The following HS3ST4 variants were observed in gnomAD, a reference collection of about 807,000 sequenced individuals.
The protein encoded by HS3ST4 is heparan sulfate-glucosamine 3-sulfotransferase 4.
Under a neutral mutation model 29.2 loss-of-function variants are expected in HS3ST4, and 17 were observed. That is an observed-to-expected ratio of 0.58 (90% CI 0.40 to 0.87). The LOEUF (loss-of-function observed/expected upper bound fraction) is 0.87, where lower values mean the gene tolerates loss of function less well. Ranked by LOEUF, HS3ST4 falls within the 40% of genes least tolerant of loss-of-function variation. The pLI is 0.00. For synonymous variants in HS3ST4, 314 were observed against 285.7 expected, an observed-to-expected ratio of 1.10 and a Z score of -1.00; for missense variants, 627 against 634.5, an observed-to-expected ratio of 0.99 and a Z score of 0.13.
intron 1 of HS3ST4, among the ~76,000 whole-genome samples, chr16:26,084,327 G>A (rs1474791702): frequency 5.9e-5 from 9 of 152,192 alleles, no homozygotes; most frequent in Admixed American, 5.9e-4. Flanking sequence ...CATCTATGGA[G>A]ACTTTAGGGG....
chr16:26,060,233 A>G (rs1898459265), intron 1 of HS3ST4, among the ~76,000 whole-genome samples: 1 of 152,238 alleles, frequency 6.6e-6, no homozygotes, highest in Non-Finnish European at 1.5e-5. Context: ...GAGAGGACTC[A>G]GGAGACCCAT....
At chr16:26,046,062 C>T (rs1306272503) in intron 1 of HS3ST4, among the ~76,000 whole-genome samples, 1 of 151,972 alleles carries the variant, frequency 6.6e-6, no homozygotes, top group East Asian at 1.9e-4. Context: ...GCATATTCTA[C>T]CTGTGTTTTA....
intron 1 of HS3ST4, among the ~76,000 whole-genome samples, chr16:26,020,258 C>A (rs73525689): frequency 0.039 from 6,013 of 152,230 alleles, 394 homozygotes; most frequent in African/African-American, 0.13. Flanking sequence ...TGATCTTGGC[C>A]TCAGTGGAAG....
intron 1 of HS3ST4, among the ~76,000 whole-genome samples, chr16:25,784,727 A>G (rs541216402): frequency 2.0e-5 from 3 of 152,352 alleles, no homozygotes; most frequent in African/African-American, 7.2e-5. Context: ...TCCATAACAT[A>G]AAAATGCGAG....
At chr16:25,718,140 C>G (rs11866032) in intron 1 of HS3ST4, among the ~76,000 whole-genome samples, 113,660 of 151,394 alleles carry the variant, frequency 0.75, 43,535 homozygotes, top group East Asian at 0.87. Flanking sequence ...GGGGGTAGAA[C>G]ACCTGTGCTC....
chr16:25,972,111 A>G (rs1246118473), intron 1 of HS3ST4, among the ~76,000 whole-genome samples: 1 of 152,202 alleles, frequency 6.6e-6, no homozygotes, highest in African/African-American at 2.4e-5. Context: ...TTGTTGCTCT[A>G]TAACAGGTGG....
intron 1 of HS3ST4, among the ~76,000 whole-genome samples, chr16:26,002,449 A>G (rs1969219904): frequency 6.6e-6 from 1 of 152,120 alleles, no homozygotes; most frequent in Admixed American, 6.6e-5. Flanking sequence ...TTTGTTTCTT[A>G]TAGAGGAAAT....
chr16:26,105,711 G>A (rs1261641058), intron 1 of HS3ST4, among the ~76,000 whole-genome samples: 2 of 152,222 alleles, frequency 1.3e-5, no homozygotes, highest in Admixed American at 1.3e-4. Context: ...AAAGCCAGAC[G>A]GGCTTTCGCC....
chr16:26,053,518 A>T (rs556660761), intron 1 of HS3ST4, among the ~76,000 whole-genome samples: 10 of 152,280 alleles, frequency 6.6e-5, no homozygotes, highest in African/African-American at 2.2e-4. Flanking sequence ...AATGAAGGGG[A>T]CTGTTCTTTC....
chr16:25,794,683 T>A (rs1966877977), intron 1 of HS3ST4, among the ~76,000 whole-genome samples: 1 of 152,100 alleles, frequency 6.6e-6, no homozygotes. Context: ...TCTGTTTGTT[T>A]CATTTTCAGC....
rs1359923154 is a variant in HS3ST4, at chr16:26,070,852, A to G, written c.735-64760A>G. Among the ~76,000 whole-genome samples, 3 of 152,296 alleles carry G rather than the reference A, an allele frequency of 2.0e-5. No individual in the cohort carries two copies. The South Asian group carries it at 6.2e-4, about 32-fold the overall frequency. ...CCTGGGACCATTTTTTAAAAAAGGC[A>G]TTCCATTGACATTGTTTTTGAGGAG... On this transcript the variant is annotated intron_variant, in intron 1 of 1. Coordinates refer to ENST00000331351, the MANE Select transcript of HS3ST4 (RefSeq NM_006040.3).
intron 1 of HS3ST4, among the ~76,000 whole-genome samples, chr16:25,726,659 A>G (rs2141591894): frequency 6.6e-6 from 1 of 152,320 alleles, no homozygotes; most frequent in Middle Eastern, 3.4e-3. Context: ...CTCACATATG[A>G]AAACCATATT....
At chr16:25,760,974 C>T (rs547815018) in intron 1 of HS3ST4, among the ~76,000 whole-genome samples, 2 of 152,218 alleles carry the variant, frequency 1.3e-5, no homozygotes, top group South Asian at 4.2e-4. Flanking sequence ...GACTCAGGGC[C>T]AGGGTGTGTA....
intron 1 of HS3ST4, among the ~76,000 whole-genome samples, chr16:25,959,909 T>C (rs886814423): frequency 3.9e-5 from 6 of 152,036 alleles, no homozygotes; most frequent in Non-Finnish European, 5.9e-5. Flanking sequence ...CCGAGGTGTG[T>C]GGATCACCTG....
At chr16:25,905,441 C>G (rs1192514157) in intron 1 of HS3ST4, among the ~76,000 whole-genome samples, 1 of 152,128 alleles carries the variant, frequency 6.6e-6, no homozygotes, top group Non-Finnish European at 1.5e-5. Context: ...TGGGAGGACT[C>G]TCTAATACCT....
In HS3ST4 at chr16:25,693,048, C is replaced by G; in HGVS notation, c.631C>G (p.Arg211Gly). ...LIIGVKKGGT[R>G]ALLEAIRVHP... The stretch of plus-strand genomic sequence containing the variant: ...CATCGGGGTCAAGAAAGGAGGGACC[C>G]GCGCGCTGCTGGAGGCGATCCGCGT... The change falls in exon 1 of 2, where the codon CGC (arginine) becomes GGC (glycine). Residue 211 changes from arginine to glycine, a missense_variant. Arg to Gly is a moderately radical substitution (Grantham distance 125). Transcript: ENST00000331351. 6.2e-7 allele frequency: 1 copy of G among 1,610,168 alleles called. No homozygotes were observed. The highest frequency in any genetic ancestry group is 8.5e-7 in the Non-Finnish European group (1 of 1,178,554).
rs1966256081 is a variant in HS3ST4, at chr16:25,692,325, CGG to C, written c.-92_-91del. On this transcript the variant is annotated 5_prime_UTR_variant, in exon 1 of 2. It introduces an in-frame stop codon into an upstream open reading frame of the 5' UTR. Transcript: ENST00000331351. ...TGGGCAGCGGCGGCGGCGGCGGCGG[CGG>C]CGGCGGCGGCGGGGGCGGCGGCTGA... 1 of 150,202 alleles carries C rather than the reference CGG, an allele frequency of 6.7e-6. No individual in the cohort carries two copies. The highest frequency in any genetic ancestry group is 1.3e-5 in the Non-Finnish European group (1 of 75,072). 9.3% of individuals were successfully genotyped at this position (150,202 alleles called of 1,614,324 possible). A position where few individuals can be genotyped will look rare whatever the true frequency, so the allele number is the denominator to read the frequency against.
chr16:26,115,972 C>T (rs534388986), intron 1 of HS3ST4, among the ~76,000 whole-genome samples: 5 of 152,300 alleles, frequency 3.3e-5, no homozygotes, highest in Admixed American at 6.5e-5. Context: ...TCTATAGCTG[C>T]GTAACAAACG....
chr16:26,000,815 G>A (rs1029558096), intron 1 of HS3ST4, among the ~76,000 whole-genome samples: 1 of 152,122 alleles, frequency 6.6e-6, no homozygotes, highest in Non-Finnish European at 1.5e-5. Flanking sequence ...GAAGGACAGG[G>A]TATTGCTTAT....
Sources: allele counts gnomAD v4.1 joint callset (sites outside exome capture counted in the v4.1 genomes callset), GRCh38; gene constraint gnomAD v4.1.1; transcripts MANE v1.5; gene names NCBI Gene and HGNC (gene_info 2026-07-23, HGNC 2026-07-21).